Variants in CREBBP observed in about 807,000 individuals in gnomAD.
CREBBP encodes CREB binding lysine acetyltransferase, also known as CREB-binding protein.
Under a neutral mutation model 265.0 loss-of-function variants are expected in CREBBP, and 19 were observed. The ratio of observed to expected loss-of-function variants is 0.07; its 90% CI spans 0.05 to 0.11. The LOEUF is 0.11. CREBBP is among the 10% of genes least tolerant of loss of function. The pLI is 1.00. For synonymous variants in CREBBP, 1,457 were observed against 1,223.7 expected, an observed-to-expected ratio of 1.19 and a Z score of -3.98; for missense variants, 2,525 against 3,219.0, an observed-to-expected ratio of 0.78 and a Z score of 5.22.
chr16:3,808,985 C>T (rs180985536), intron 3 of CREBBP, among the ~76,000 whole-genome samples: 1 of 152,250 alleles, frequency 6.6e-6, no homozygotes, highest in Admixed American at 6.5e-5. Context: ...ACCTAGGGTC[C>T]TCTGGGCTCT....
intron 30 of CREBBP, among the ~76,000 whole-genome samples, chr16:3,730,272 G>A (rs751047237): frequency 6.6e-6 from 1 of 152,148 alleles, no homozygotes; most frequent in Admixed American, 6.5e-5. Flanking sequence ...TCTGACCTGG[G>A]AGTCACATCA....
chr16:3,731,714 G>T lies in CREBBP; in HGVS notation c.4890+62C>A. 1 of 1,608,746 alleles carries T rather than the reference G, an allele frequency of 6.2e-7. No homozygotes were observed. Among genetic ancestry groups the T allele is most frequent in the Admixed American group, 1.7e-5 (1 of 60,018 alleles). ...CCTGCACACGGGCCCACGCCCGCCA[G>T]CTGCGAGTCTTTCCCTCCTCCCGGC... On this transcript the variant is annotated intron_variant, in intron 29 of 30. Coordinates refer to ENST00000262367, the MANE Select transcript of CREBBP (RefSeq NM_004380.3). This position sits in a 1 kb window ranked among gnomAD's most constrained non-coding sequence, Gnocchi z 7.7.
intron 21 of CREBBP, among the ~76,000 whole-genome samples, chr16:3,745,963 T>C (rs1000582039): frequency 1.3e-5 from 2 of 152,156 alleles, no homozygotes; most frequent in Non-Finnish European, 2.9e-5. Context: ...GGACCACCCA[T>C]TCCCCACGAA....
chr16:3,808,356 T>C (rs1266206491), intron 3 of CREBBP, among the ~76,000 whole-genome samples: 1 of 152,214 alleles, frequency 6.6e-6, no homozygotes, highest in Admixed American at 6.5e-5. Flanking sequence ...TGAGCCATTT[T>C]TGATTATCAT....
chr16:3,777,585 A>C (rs1473341829), intron 11 of CREBBP, 28 bp downstream of exon 11: 2 of 1,612,830 alleles, frequency 1.2e-6, no homozygotes, highest in Middle Eastern at 3.3e-4. Flanking sequence ...TAAAACTAAA[A>C]TATGATTCAC....
chr16:3,771,071 A>AG, intron 13 of CREBBP, 85 bp from the exon 14 acceptor site: 1 of 1,550,192 alleles, frequency 6.5e-7, no homozygotes, highest in South Asian at 1.1e-5. Context: ...ATGTATGAAA[A>AG]AAAAATTTTT....
intron 1 of CREBBP, among the ~76,000 whole-genome samples, chr16:3,860,494 T>A (rs2055050961): frequency 6.6e-6 from 1 of 152,158 alleles, no homozygotes; most frequent in Non-Finnish European, 1.5e-5. Context: ...CCAAGACTGC[T>A]GGCATGTGCC....
In CREBBP at chr16:3,770,956, G is replaced by A. The variant is rs376047316; in HGVS notation, c.2494C>T (p.Pro832Ser). The A allele has an allele frequency of 1.2e-6, 2 of 1,613,660 alleles. No individual in the cohort carries two copies. Among genetic ancestry groups the A allele is most frequent in the Middle Eastern group, 1.6e-4 (1 of 6,062 alleles). The change falls in exon 14 of 31, where the codon CCT (proline) becomes TCT (serine). Residue 832 changes from proline to serine, a missense_variant. By Grantham distance (74) the Pro-to-Ser change is moderately conservative. Around this residue, in one of 19 missense-constraint regions of CREBBP, gnomAD observed 548 missense variants for 533.0 expected, o/e 1.03. Coordinates refer to ENST00000262367, the MANE Select transcript of CREBBP (RefSeq NM_004380.3). ...GQVPGAALPNPLNMLGPQASQ... is the reference protein window; with the variant it reads ...GQVPGAALPNSLNMLGPQASQ... The stretch of plus-strand genomic sequence containing the variant: ...GCCTGAGGCCCCAGCATGTTGAGAG[G>A]GTTAGGAAGAGCAGCACCAGGCACC...
At chr16:3,859,557 C>T (rs773911298) in intron 1 of CREBBP, among the ~76,000 whole-genome samples, 15 of 152,048 alleles carry the variant, frequency 9.9e-5, no homozygotes, top group Non-Finnish European at 1.8e-4. Context: ...TAGCTTCGGA[C>T]AGGAGCTGGT....
intron 1 of CREBBP, among the ~76,000 whole-genome samples, chr16:3,855,393 T>A (rs1319388198): frequency 2.0e-5 from 3 of 152,164 alleles, no homozygotes; most frequent in Non-Finnish European, 4.4e-5. Context: ...TCAGCCAGAA[T>A]AGCTGGGATT....
intron 11 of CREBBP, 118 bp from the exon 12 acceptor site, chr16:3,774,811 A>T: frequency 7.8e-7 from 1 of 1,281,668 alleles, no homozygotes; most frequent in Non-Finnish European, 1.1e-6. Context: ...CAGAAAACTG[A>T]AAAGAAATCA....
At chr16:3,825,055 C>CT (rs1313200205) in intron 2 of CREBBP, among the ~76,000 whole-genome samples, 3 of 152,200 alleles carry the variant, frequency 2.0e-5, no homozygotes, top group African/African-American at 7.2e-5. Context: ...CAGAAAATCT[C>CT]TAACATGAGA....
chr16:3,829,797 G>A (rs1183613617), intron 2 of CREBBP, among the ~76,000 whole-genome samples: 1 of 152,082 alleles, frequency 6.6e-6, no homozygotes, highest in Non-Finnish European at 1.5e-5. Context: ...ACATGCCAAG[G>A]AGCAGGAAGA....
intron 28 of CREBBP, among the ~76,000 whole-genome samples, chr16:3,735,283 C>T (rs1050335923): frequency 6.6e-6 from 1 of 152,170 alleles, no homozygotes; most frequent in African/African-American, 2.4e-5. Context: ...CAGCCACTCC[C>T]TTGGGGGCGG....
At chr16:3,772,184 A>ATT (rs35580213) in intron 13 of CREBBP, among the ~76,000 whole-genome samples, 1 of 149,422 alleles carries the variant, frequency 6.7e-6, no homozygotes, top group Non-Finnish European at 1.5e-5. Context: ...AGAAAAAGGT[A>ATT]TTTTTTTTTT....
intron 2 of CREBBP, among the ~76,000 whole-genome samples, chr16:3,823,818 AG>A (rs2054186571): frequency 6.6e-6 from 1 of 152,136 alleles, no homozygotes. Context: ...GCACACTTCT[AG>A]TCAGACAGTT....
chr16:3,760,824 C>G (rs940500520), intron 16 of CREBBP, among the ~76,000 whole-genome samples: 2 of 151,798 alleles, frequency 1.3e-5, no homozygotes, highest in African/African-American at 4.8e-5. Context: ...CTCAAGTGAT[C>G]TTGTCATATC....
rs2151318995 is a variant in CREBBP at position 3,731,815 on chromosome 16, C to T, written c.4851G>A (p.Leu1617=). ...CCATGGTGGCATACAGCTTCTGGGA[C>T]AGGTCATTGGACACGTTGGGCATGC... is the stretch of plus-strand genomic sequence containing the variant. ...KPSMPNVSND[L]SQKLYATMEK... is the part of the protein sequence containing the mutation. Residue 1617 remains leucine, a synonymous_variant, in exon 29 of 31, where the codon CTG becomes CTA. Coordinates refer to ENST00000262367, the MANE Select transcript of CREBBP (RefSeq NM_004380.3). This position sits in a 1 kb window ranked among gnomAD's most constrained non-coding sequence, Gnocchi z 7.7. The T allele has an allele frequency of 6.2e-7, 1 of 1,614,288 alleles. No individual in the cohort carries two copies. The highest frequency in any genetic ancestry group is 1.1e-5 in the South Asian group (1 of 91,090).
chr16:3,847,660 G>A (rs2054695673), intron 2 of CREBBP, among the ~76,000 whole-genome samples: 1 of 152,200 alleles, frequency 6.6e-6, no homozygotes, highest in Non-Finnish European at 1.5e-5. Flanking sequence ...ACCCCAGGAT[G>A]GAATGAAAAG....
Sources: allele counts gnomAD v4.1 joint callset (sites outside exome capture counted in the v4.1 genomes callset), GRCh38; gene constraint gnomAD v4.1.1; regional missense constraint gnomAD v4.1.1; non-coding constraint Gnocchi (gnomAD v3.1); transcripts MANE v1.5; gene names NCBI Gene and HGNC (gene_info 2026-07-23, HGNC 2026-07-21).